Variants in PCSK2 observed in about 807,000 individuals in gnomAD.
PCSK2 encodes proprotein convertase subtilisin/kexin type 2.
In PCSK2, 14 loss-of-function variants were observed where a neutral mutation model predicts 69.7. The ratio of observed to expected loss-of-function variants is 0.20; its 90% CI spans 0.13 to 0.31. PCSK2 has a LOEUF of 0.31. Ranked by LOEUF, PCSK2 falls within the 10% of genes least tolerant of loss-of-function variation. PCSK2 has a pLI of 1.00. For missense variants in PCSK2, 544 were observed against 842.5 expected (o/e 0.65, Z 4.39); for synonymous variants, 307 against 320.7 (o/e 0.96, Z 0.46).
intron 5 of PCSK2, among the ~76,000 whole-genome samples, chr20:17,393,016 C>T (rs188228477): frequency 6.0e-4 from 91 of 152,192 alleles, no homozygotes; most frequent in African/African-American, 2.0e-3. Context: ...GAAAACAGTG[C>T]GGTTGTCCCT....
At chr20:17,257,693 G>A (rs755293636) in intron 1 of PCSK2, among the ~76,000 whole-genome samples, 25 of 152,288 alleles carry the variant, frequency 1.6e-4, no homozygotes, top group Middle Eastern at 3.4e-3. Context: ...CAATTCTCAA[G>A]CAGGCAGTTT....
At chr20:17,229,712 C>A (rs1986076352) in intron 1 of PCSK2, among the ~76,000 whole-genome samples, 1 of 151,988 alleles carries the variant, frequency 6.6e-6, no homozygotes, top group South Asian at 2.1e-4. Flanking sequence ...CCCTTTTACA[C>A]GTTTAAGTAA....
chr20:17,354,638 G>T (rs2030132706), intron 2 of PCSK2, among the ~76,000 whole-genome samples: 1 of 152,092 alleles, frequency 6.6e-6, no homozygotes, highest in Non-Finnish European at 1.5e-5. Flanking sequence ...AGAGGGAAAT[G>T]GATAAATTGT....
intron 6 of PCSK2, among the ~76,000 whole-genome samples, chr20:17,415,540 A>G (rs1451324572): frequency 1.3e-5 from 2 of 152,232 alleles, no homozygotes; most frequent in African/African-American, 4.8e-5. Context: ...GAGGACACAA[A>G]CAAATGGAAG....
intron 2 of PCSK2, among the ~76,000 whole-genome samples, chr20:17,270,995 A>G (rs1987843808): frequency 6.6e-6 from 1 of 152,084 alleles, no homozygotes; most frequent in South Asian, 2.1e-4. Flanking sequence ...CTGAGATTCC[A>G]GGGACTAACC....
intron 2 of PCSK2, among the ~76,000 whole-genome samples, chr20:17,285,393 G>A (rs1157488561): frequency 6.6e-6 from 1 of 152,156 alleles, no homozygotes; most frequent in African/African-American, 2.4e-5. Flanking sequence ...TGACCTGCTT[G>A]GAAAATGGCT....
chr20:17,416,428 T>C lies in PCSK2; in HGVS notation c.620+7089T>C, dbSNP rs190361153. On this transcript the variant is annotated intron_variant, in intron 6 of 11. Coordinates refer to ENST00000262545, the MANE Select transcript of PCSK2 (RefSeq NM_002594.5). ...CAACAGACACATGAAAAAATGCTCA[T>C]CATCATTGGTCATCAGAGAAATGCA... Among the ~76,000 whole-genome samples, 693 of 152,306 alleles carry C rather than the reference T, an allele frequency of 4.6e-3. 6 individuals are homozygous for C. Among genetic ancestry groups the C allele is most frequent in the African/African-American group, 0.016 (649 of 41,580 alleles).
chr20:17,468,110 A>G (rs2033133730), intron 11 of PCSK2, among the ~76,000 whole-genome samples: 1 of 51,260 alleles, frequency 2.0e-5, no homozygotes, highest in Non-Finnish European at 4.4e-5. Flanking sequence ...AGCCCACCAT[A>G]GGTCAGCATC....
chr20:17,426,192 G>A (rs996859250), intron 6 of PCSK2, among the ~76,000 whole-genome samples: 5 of 152,078 alleles, frequency 3.3e-5, no homozygotes, highest in East Asian at 1.9e-4. Flanking sequence ...TCCCCCATGC[G>A]GTTCTCATGA....
intron 2 of PCSK2, among the ~76,000 whole-genome samples, chr20:17,323,294 G>T (rs1461000355): frequency 6.6e-6 from 1 of 152,196 alleles, no homozygotes; most frequent in Non-Finnish European, 1.5e-5. Context: ...CACACAGAGG[G>T]ATGACCATGT....
intron 2 of PCSK2, among the ~76,000 whole-genome samples, chr20:17,321,838 A>T (rs764394870): frequency 1.3e-5 from 2 of 152,230 alleles, no homozygotes; most frequent in African/African-American, 4.8e-5. Context: ...TGTATCAGGC[A>T]TAGATTTATT....
chr20:17,252,177 C>T (rs190979005), intron 1 of PCSK2, among the ~76,000 whole-genome samples: 1 of 152,218 alleles, frequency 6.6e-6, no homozygotes, highest in East Asian at 1.9e-4. Flanking sequence ...GATGCAAGGG[C>T]TGGAATCATG....
rs115440786 is a variant in PCSK2, at chr20:17,385,290, G to T, written c.543+16013G>T. ...TTAAGTCCAGAGAGCTTCAAAACAGGCTCCAGTGACAGCTGTAGCACCTTC... is the reference window on the plus strand; with the variant it reads ...TTAAGTCCAGAGAGCTTCAAAACAGTCTCCAGTGACAGCTGTAGCACCTTC... On this transcript the variant is annotated intron_variant, in intron 5 of 11. Transcript: ENST00000262545. 4.3e-3 allele frequency among the ~76,000 whole-genome samples: 653 copies of T among 152,272 alleles called. 4 individuals are homozygous for T. The highest frequency in any genetic ancestry group is 0.014 in the African/African-American group (574 of 41,528).
intron 11 of PCSK2, among the ~76,000 whole-genome samples, chr20:17,480,813 G>A (rs546431124): frequency 2.0e-5 from 3 of 152,316 alleles, no homozygotes; most frequent in African/African-American, 7.2e-5. Flanking sequence ...AGAAACCGGG[G>A]TAAAAACCTG....
At chr20:17,399,758 T>C (rs901753790) in intron 5 of PCSK2, among the ~76,000 whole-genome samples, 6 of 152,312 alleles carry the variant, frequency 3.9e-5, no homozygotes, top group Admixed American at 3.9e-4. Context: ...ATTGTCAAGC[T>C]GTACTCAGAA....
chr20:17,450,722 T>C (rs1404391950), intron 8 of PCSK2, among the ~76,000 whole-genome samples: 3 of 152,158 alleles, frequency 2.0e-5, no homozygotes, highest in Non-Finnish European at 1.5e-5. Flanking sequence ...GGTCTTCCCA[T>C]GGTGGAAGGG....
chr20:17,327,282 T>A (rs1336756820), intron 2 of PCSK2, among the ~76,000 whole-genome samples: 1 of 152,134 alleles, frequency 6.6e-6, no homozygotes, highest in Non-Finnish European at 1.5e-5. Flanking sequence ...TCCATCTCCC[T>A]TGTAAATGCT....
chr20:17,347,920 G>GAAA (rs1168583425), intron 2 of PCSK2, among the ~76,000 whole-genome samples: 1 of 63,060 alleles, frequency 1.6e-5, no homozygotes, highest in South Asian at 5.1e-4. Context: ...AAGAAAGAAA[G>GAAA]GAGAGAGAAA....
rs1347020742 is a variant in PCSK2 at position 17,481,725 on chromosome 20, C to T, written c.1572C>T (p.Asn524=). 7 of 1,614,148 alleles carry T rather than the reference C, an allele frequency of 4.3e-6. No individual in the cohort carries two copies. In the South Asian group the frequency reaches 6.6e-5, roughly 15 times the overall value. The stretch of plus-strand genomic sequence containing the variant: ...CCAGAAGAGGAGACCTGAACATCAA[C>T]ATGACTTCCCCTATGGGCACCAAGT... ...NATRRGDLNI[N]MTSPMGTKSI... The change falls in exon 12 of 12, where the codon AAC becomes AAT. Residue 524 remains asparagine (N), a synonymous_variant. Transcript: ENST00000262545.
Sources: gnomAD v4.1 joint callset for allele counts (sites outside exome capture counted in the v4.1 genomes callset) on GRCh38, gnomAD v4.1.1 for gene constraint, MANE v1.5 for transcripts, NCBI Gene and HGNC (gene_info 2026-07-23, HGNC 2026-07-21) for gene names.